Variants in ARID1B observed in about 807,000 individuals in gnomAD.
ARID1B encodes the protein AT-rich interaction domain 1B, also known as AT-rich interactive domain-containing protein 1B.
A neutral mutation model predicts 212.3 loss-of-function variants in ARID1B; 30 were observed. That is an observed-to-expected ratio of 0.14 (90% CI 0.11 to 0.19). ARID1B has a LOEUF of 0.19. Among genes scored for constraint, ARID1B ranks in the 10% least tolerant of loss-of-function variants. The pLI, the probability that ARID1B is intolerant of heterozygous loss-of-function variation, is 1.00. For missense variants in ARID1B, 2,891 were observed against 3,204.0 expected, an observed-to-expected ratio of 0.90 and a Z score of 2.36; for synonymous variants, 1,402 against 1,301.7, an observed-to-expected ratio of 1.08 and a Z score of -1.66.
chr6:157,006,637 A>G (rs1779264249), intron 4 of ARID1B, among the ~76,000 whole-genome samples: 1 of 152,196 alleles, frequency 6.6e-6, no homozygotes, highest in Non-Finnish European at 1.5e-5. Context: ...GTCAACAAGA[A>G]ATGTGTAATC....
At chr6:156,999,037 T>A (rs1343107893) in intron 4 of ARID1B, among the ~76,000 whole-genome samples, 1 of 152,188 alleles carries the variant, frequency 6.6e-6, no homozygotes, top group Non-Finnish European at 1.5e-5. Flanking sequence ...CAGTGGTGAC[T>A]TTAGCTTCAT....
chr6:156,803,602 T>C (rs554736996), intron 1 of ARID1B, among the ~76,000 whole-genome samples: 1 of 151,992 alleles, frequency 6.6e-6, no homozygotes, highest in South Asian at 2.1e-4. Flanking sequence ...TCATGGTGTG[T>C]TTTTTTCTTG....
At chr6:157,056,062 C>G (rs959339836) in intron 4 of ARID1B, among the ~76,000 whole-genome samples, 2 of 152,146 alleles carry the variant, frequency 1.3e-5, no homozygotes, top group Admixed American at 1.3e-4. Flanking sequence ...GATTAGGGAC[C>G]TTAATTACAT....
In ARID1B at chr6:156,897,264, C is replaced by CTTCTTA. The variant is rs71027320; in HGVS notation, c.1987-4110_1987-4109insCTTATT. ...TCTTCTTCTTCTTCTTCTTCTTCTT[C>CTTCTTA]TTATTATTATTATTATTATTATTAT... On this transcript the variant is annotated intron_variant, in intron 2 of 19. Coordinates refer to ENST00000636930, the MANE Select transcript of ARID1B (RefSeq NM_001374828.1). 7.9e-3 allele frequency among the ~76,000 whole-genome samples: 659 copies of CTTCTTA among 83,564 alleles called. 7 individuals carry two copies. Among genetic ancestry groups the CTTCTTA allele is most frequent in the African/African-American group, 0.014 (313 of 21,832 alleles). 54.8% of individuals were successfully genotyped at this position (83,564 alleles called of 152,430 possible). A position where few individuals can be genotyped will look rare whatever the true frequency, so the allele number is the denominator to read the frequency against.
At chr6:156,800,512 C>T (rs891639620) in intron 1 of ARID1B, among the ~76,000 whole-genome samples, 1 of 151,990 alleles carries the variant, frequency 6.6e-6, no homozygotes, top group Admixed American at 6.6e-5. Flanking sequence ...CCTCTTGAAC[C>T]CTGGAGGTGA....
At chr6:156,837,534 C>A (rs1401371900) in intron 2 of ARID1B, among the ~76,000 whole-genome samples, 2 of 151,888 alleles carry the variant, frequency 1.3e-5, no homozygotes, top group East Asian at 3.9e-4. Context: ...AAAAGTTTTT[C>A]TTTTATGTTA....
At chr6:157,004,576 T>C (rs1011226173) in intron 4 of ARID1B, among the ~76,000 whole-genome samples, 3 of 152,188 alleles carry the variant, frequency 2.0e-5, no homozygotes, top group Non-Finnish European at 4.4e-5. Context: ...ACATACATTG[T>C]AATTCAGAAG....
At chr6:156,950,899 A>C (rs1335708882) in intron 4 of ARID1B, among the ~76,000 whole-genome samples, 3 of 152,208 alleles carry the variant, frequency 2.0e-5, no homozygotes, top group African/African-American at 7.2e-5. Flanking sequence ...AACAATAAAA[A>C]TGTATGAAGT....
chr6:157,082,996 A>C (rs554197578), intron 4 of ARID1B, among the ~76,000 whole-genome samples: 1 of 152,206 alleles, frequency 6.6e-6, no homozygotes, highest in Non-Finnish European at 1.5e-5. Flanking sequence ...GATAAACTAA[A>C]CTATCCAGGG....
chr6:157,176,546 C>T (rs1028479782), intron 11 of ARID1B, among the ~76,000 whole-genome samples: 10 of 152,300 alleles, frequency 6.6e-5, no homozygotes, highest in African/African-American at 2.2e-4. Flanking sequence ...ATCTTTAAAA[C>T]TTAAGATAAT....
chr6:156,833,614 T>G (rs551850679), intron 2 of ARID1B, among the ~76,000 whole-genome samples: 1 of 152,326 alleles, frequency 6.6e-6, no homozygotes, highest in South Asian at 2.1e-4. Context: ...TTTTAGTTTT[T>G]AAAGGCATAC....
intron 4 of ARID1B, among the ~76,000 whole-genome samples, chr6:156,962,486 G>A (rs1828441814): frequency 6.6e-6 from 1 of 152,176 alleles, no homozygotes; most frequent in African/African-American, 2.4e-5. Flanking sequence ...GGGACGTGGA[G>A]GGAGACAAGG....
chr6:157,191,450 G>A (rs908369660), intron 15 of ARID1B, among the ~76,000 whole-genome samples: 3 of 152,186 alleles, frequency 2.0e-5, no homozygotes, highest in Admixed American at 2.0e-4. Context: ...CTGAGCAGAT[G>A]TTGGGATCGG....
Position 156,778,292 on chromosome 6 carries a change from ACAGCAGCAGCAGCAGCAG to A in ARID1B, c.618_635del (p.Gln209_Gln214del). 6.6e-7 allele frequency: 1 copy of A among 1,518,318 alleles called. No homozygotes were observed. Among genetic ancestry groups the A allele is most frequent in the Non-Finnish European group, 8.8e-7 (1 of 1,134,060 alleles). The allele number at this position is 1,518,318 out of a possible 1,614,324, so 94.1% of individuals were successfully genotyped here. A position where few individuals can be genotyped will look rare whatever the true frequency, so the allele number is the denominator to read the frequency against. On this transcript the variant is annotated inframe_deletion, in exon 1 of 20. Coordinates refer to ENST00000636930, the MANE Select transcript of ARID1B (RefSeq NM_001374828.1). ...TCCAGCAGCAGCAGCAGCAGCAGCA[ACAGCAGCAGCAGCAGCAG>A]CAGCAACAGCAACATCCCATTTCCA...
chr6:156,955,764 G>A lies in ARID1B; in HGVS notation c.2247+20188G>A, dbSNP rs1445908191. ...TAGAAACAGAGCCTGGATGTCATGG[G>A]GTCCAAGGCAGAAGATACTCGCCCT... On this transcript the variant is annotated intron_variant, in intron 4 of 19. Transcript: ENST00000636930. This position sits in a 1 kb window ranked among gnomAD's most constrained non-coding sequence, Gnocchi z 4.2. Among the ~76,000 whole-genome samples the A allele has an allele frequency of 1.3e-5, 2 of 152,108 alleles. No homozygotes were observed. Among genetic ancestry groups the A allele is most frequent in the Non-Finnish European group, 2.9e-5 (2 of 68,014 alleles).
At chr6:157,073,717 A>T (rs1191189260) in intron 4 of ARID1B, among the ~76,000 whole-genome samples, 3 of 152,202 alleles carry the variant, frequency 2.0e-5, no homozygotes, top group Non-Finnish European at 2.9e-5. Flanking sequence ...AAATGATTGC[A>T]CCAGGACCTG....
At chr6:156,793,404 C>T (rs1414130516) in intron 1 of ARID1B, among the ~76,000 whole-genome samples, 4 of 152,182 alleles carry the variant, frequency 2.6e-5, no homozygotes, top group Middle Eastern at 6.8e-3. Flanking sequence ...TAGTGGGCAG[C>T]GGTGAGGTCA....
At chr6:156,878,238 C>T (rs897472010) in intron 2 of ARID1B, among the ~76,000 whole-genome samples, 9 of 151,930 alleles carry the variant, frequency 5.9e-5, no homozygotes, top group African/African-American at 1.9e-4. Flanking sequence ...CTTGTGTCAG[C>T]GAGGATTCTT....
intron 4 of ARID1B, chr6:156,941,373 C>G (rs1045757556): frequency 2.0e-5 from 3 of 152,144 alleles, no homozygotes; most frequent in African/African-American, 4.8e-5. Context: ...ATTTTGATGT[C>G]TTGGGGAAGT....
Sources: allele counts gnomAD v4.1 joint callset (sites outside exome capture counted in the v4.1 genomes callset), GRCh38; gene constraint gnomAD v4.1.1; non-coding constraint Gnocchi (gnomAD v3.1); transcripts MANE v1.5; gene names NCBI Gene and HGNC (gene_info 2026-07-23, HGNC 2026-07-21).